Variants in GUCY2F observed in about 807,000 individuals in gnomAD.
GUCY2F encodes the protein retinal guanylyl cyclase 2.
A neutral mutation model predicts 73.1 loss-of-function variants in GUCY2F; 61 were observed. The ratio of observed to expected loss-of-function variants is 0.83; its 90% CI spans 0.68 to 1.03. The LOEUF is 1.03. Ranked by LOEUF, GUCY2F falls within the 50% of genes least tolerant of loss-of-function variation. The pLI, the probability that GUCY2F is intolerant of heterozygous loss-of-function variation, is 0.00. For missense variants in GUCY2F, 912 were observed against 854.3 expected, an observed-to-expected ratio of 1.07 and a Z score of -0.84; for synonymous variants, 331 against 307.8, an observed-to-expected ratio of 1.08 and a Z score of -0.79.
Position 109,435,587 on chromosome X carries a change from A to T in GUCY2F, c.1702-5191T>A, listed in dbSNP as rs915609870. Among the ~76,000 whole-genome samples, 41 of 109,955 alleles carry T rather than the reference A, an allele frequency of 3.7e-4. 1 individual carries two copies. Among genetic ancestry groups the T allele is most frequent in the Admixed American group, 4.8e-4 (5 of 10,335 alleles). On this transcript the variant is annotated intron_variant, in intron 7 of 19. Coordinates refer to ENST00000218006, the MANE Select transcript of GUCY2F (RefSeq NM_001522.3). ...GCCGTCTGCAAACAGGGACAATTTG[A>T]CTTCCTCTTTTCCTAATTGAATACC...
chrX:109,477,180 T>C (rs758256088), intron 1 of GUCY2F, among the ~76,000 whole-genome samples: 1 of 111,128 alleles, frequency 9.0e-6, no homozygotes, highest in East Asian at 2.8e-4. Flanking sequence ...TGGGATCATC[T>C]CCTCCAAGAT....
intron 7 of GUCY2F, among the ~76,000 whole-genome samples, chrX:109,436,679 GCAAGGACAAAAAA>G (rs1471702786): frequency 1.8e-5 from 2 of 109,832 alleles, no homozygotes; most frequent in African/African-American, 6.6e-5. Flanking sequence ...GTAAACTATC[GCAAGGACAAAAAA>G]CCAAACACCG....
chrX:109,464,188 G>T (rs748984541), intron 3 of GUCY2F, among the ~76,000 whole-genome samples: 2 of 111,096 alleles, frequency 1.8e-5, no homozygotes, highest in East Asian at 5.7e-4. Flanking sequence ...GGCTTCTTTT[G>T]TCTCCCCATC....
At chrX:109,383,412 G>T in intron 16 of GUCY2F, 1 of 732,856 alleles carries the variant, frequency 1.4e-6, no homozygotes, top group Non-Finnish European at 1.6e-6. Context: ...ACTGGGTCAC[G>T]AGTCACTTCC....
At chrX:109,399,251 T>C (rs1603380054) in intron 10 of GUCY2F, among the ~76,000 whole-genome samples, 1 of 112,913 alleles carries the variant, frequency 8.9e-6, no homozygotes, top group East Asian at 2.8e-4. Context: ...GTCTACTATG[T>C]ACCATGCCCT....
chrX:109,477,123 G>A (rs1360937851), intron 1 of GUCY2F, among the ~76,000 whole-genome samples: 3 of 111,660 alleles, frequency 2.7e-5, no homozygotes, highest in African/African-American at 9.8e-5. Context: ...TAATCCATAT[G>A]AGAAATGATG....
intron 9 of GUCY2F, among the ~76,000 whole-genome samples, chrX:109,408,568 A>G (rs1310395111): frequency 8.9e-6 from 1 of 112,281 alleles, no homozygotes. Context: ...TCTCAACTCA[A>G]ATTGTATCTC....
chrX:109,396,662 A>G (rs1930717131), intron 11 of GUCY2F, among the ~76,000 whole-genome samples: 1 of 112,088 alleles, frequency 8.9e-6, no homozygotes, highest in Admixed American at 9.4e-5. Flanking sequence ...TGAATTGGCT[A>G]TAACACTCCA....
At chrX:109,467,261 T>C (rs1932487167) in intron 2 of GUCY2F, among the ~76,000 whole-genome samples, 1 of 112,192 alleles carries the variant, frequency 8.9e-6, no homozygotes, top group African/African-American at 3.2e-5. Flanking sequence ...CCATTAAAAG[T>C]AAATTAGTTT....
At chrX:109,399,217 C>G (rs781192979) in intron 10 of GUCY2F, among the ~76,000 whole-genome samples, 1 of 112,822 alleles carries the variant, frequency 8.9e-6, no homozygotes, top group Admixed American at 9.3e-5. Context: ...TCCTTCAACT[C>G]AGTTCTGCAA....
At chrX:109,442,243 A>G (rs761841052) in intron 6 of GUCY2F, among the ~76,000 whole-genome samples, 1 of 111,791 alleles carries the variant, frequency 8.9e-6, no homozygotes, top group Non-Finnish European at 1.9e-5. Flanking sequence ...CAATTGAACC[A>G]GTAGACTTAT....
At chrX:109,475,141 C>G in intron 2 of GUCY2F, 66 bp downstream of exon 2, 2 of 1,082,183 alleles carry the variant, frequency 1.8e-6, no homozygotes, top group East Asian at 3.0e-5. Flanking sequence ...GGGTAGGAAA[C>G]CTTTTGGAGA....
intron 19 of GUCY2F, among the ~76,000 whole-genome samples, chrX:109,375,682 CG>C (rs888746635): frequency 1.6e-4 from 18 of 112,276 alleles, no homozygotes; most frequent in African/African-American, 5.5e-4. Flanking sequence ...GGGTCTCTCT[CG>C]GGCCAGGGCA....
At chrX:109,428,638 G>A (rs1254651777) in intron 8 of GUCY2F, among the ~76,000 whole-genome samples, 2 of 111,412 alleles carry the variant, frequency 1.8e-5, no homozygotes, top group Non-Finnish European at 3.8e-5. Flanking sequence ...TTAGAATATG[G>A]GAAGTAGTTT....
At chrX:109,398,932 G>A (rs1005232834) in intron 10 of GUCY2F, among the ~76,000 whole-genome samples, 16 of 111,952 alleles carry the variant, frequency 1.4e-4, no homozygotes, top group African/African-American at 3.3e-4. Context: ...ACACAGCAGC[G>A]ATGTGGGAAA....
intron 4 of GUCY2F, 122 bp from the exon 5 acceptor site, chrX:109,452,229 C>T (rs1421575503): frequency 1.0e-5 from 5 of 484,593 alleles, no homozygotes; most frequent in South Asian, 6.6e-5. Flanking sequence ...ATCTACCTAA[C>T]CTAATTCCAT....
chrX:109,468,356 T>C (rs1460686768), intron 2 of GUCY2F, among the ~76,000 whole-genome samples: 1 of 112,298 alleles, frequency 8.9e-6, no homozygotes, highest in Non-Finnish European at 1.9e-5. Context: ...CTTGTACATA[T>C]TATGCACACA....
intron 7 of GUCY2F, among the ~76,000 whole-genome samples, chrX:109,430,905 G>A (rs991528938): frequency 9.0e-6 from 1 of 111,040 alleles, no homozygotes; most frequent in Admixed American, 9.5e-5. Flanking sequence ...GTGTATGGAG[G>A]GGGGGCTGTC....
At chrX:109,472,610 TGTGCTACGGATGGTGTGTTGCA>T (rs1369865898) in intron 2 of GUCY2F, among the ~76,000 whole-genome samples, 1 of 112,375 alleles carries the variant, frequency 8.9e-6, no homozygotes, top group African/African-American at 3.2e-5. Flanking sequence ...TGATCCGGTA[TGTGCTACGGATGGTGTGTTGCA>T]GTCTTCCTCA....
Sources: allele counts gnomAD v4.1 joint callset (sites outside exome capture counted in the v4.1 genomes callset), GRCh38; gene constraint gnomAD v4.1.1; transcripts MANE v1.5; gene names NCBI Gene and HGNC (gene_info 2026-07-23, HGNC 2026-07-21).